The following BLOC1S3 variants were observed in gnomAD, a reference collection of about 807,000 sequenced individuals.
BLOC1S3 encodes the protein biogenesis of lysosomal organelles complex 1 subunit 3.
A neutral mutation model predicts 9.1 loss-of-function variants in BLOC1S3; 7 were observed. The ratio of observed to expected loss-of-function variants is 0.77; its 90% CI spans 0.44 to 1.45. BLOC1S3 has a LOEUF of 1.45. BLOC1S3 is among the 40% of genes most tolerant of loss of function. The pLI, the probability that BLOC1S3 is intolerant of heterozygous loss-of-function variation, is 0.01. For missense variants in BLOC1S3, 307 were observed against 315.2 expected, an observed-to-expected ratio of 0.97 and a Z score of 0.20; for synonymous variants, 145 against 158.4, an observed-to-expected ratio of 0.92 and a Z score of 0.64.
chr19:45,184,929 AAAGG>A (rs1969555765), downstream of BLOC1S3, among the ~76,000 whole-genome samples: 7 of 145,566 alleles, frequency 4.8e-5, no homozygotes, highest in Non-Finnish European at 7.5e-5. Flanking sequence ...AAAAAAAAAA[AAAGG>A]AAGGAAGGGA....
chr19:45,202,237 A>G (rs1344335754), intron 2 of BLOC1S3, among the ~76,000 whole-genome samples: 2 of 136,050 alleles, frequency 1.5e-5, no homozygotes, highest in East Asian at 4.2e-4. Context: ...AAAAAAAAAA[A>G]GACGTGCCTT....
At chr19:45,200,780 TTTGAACCCATCCTTC>T (rs1969685127) in intron 2 of BLOC1S3, among the ~76,000 whole-genome samples, 1 of 152,218 alleles carries the variant, frequency 6.6e-6, no homozygotes, top group African/African-American at 2.4e-5. Flanking sequence ...TCTGAGCTTA[TTTGAACCCATCCTTC>T]TTGGGAAGGC....
At chr19:45,210,652 A>G (rs558037371) in intron 3 of BLOC1S3, among the ~76,000 whole-genome samples, 1 of 151,752 alleles carries the variant, frequency 6.6e-6, no homozygotes, top group Non-Finnish European at 1.5e-5. Flanking sequence ...CATCTAGGCT[A>G]CAACGCAGAG....
At chr19:45,184,628 T>C (rs1166956784), downstream of BLOC1S3, among the ~76,000 whole-genome samples, 3 of 151,766 alleles carry the variant, frequency 2.0e-5, no homozygotes. Flanking sequence ...GGGCCGGGCG[T>C]GGTGGCTCAC....
At chr19:45,201,639 A>G (rs1969691406) in intron 2 of BLOC1S3, among the ~76,000 whole-genome samples, 1 of 152,146 alleles carries the variant, frequency 6.6e-6, no homozygotes, top group Non-Finnish European at 1.5e-5. Flanking sequence ...AACCTTAGGA[A>G]TCTACCTGGT....
chr19:45,184,903 CAAAAAAAA>C (rs71338752), downstream of BLOC1S3, among the ~76,000 whole-genome samples: 19 of 48,278 alleles, frequency 3.9e-4, no homozygotes, highest in Non-Finnish European at 6.0e-4. Context: ...CTGTCTCAAA[CAAAAAAAA>C]AAAAAAAAAA....
At chr19:45,207,321 TG>T (rs575771902) in intron 3 of BLOC1S3, among the ~76,000 whole-genome samples, 102 of 151,288 alleles carry the variant, frequency 6.7e-4, no homozygotes, top group African/African-American at 2.3e-3. Context: ...TTAGTAGAGA[TG>T]GGGTTTCGCC....
At chr19:45,216,066 G>GTC in intron 3 of BLOC1S3, 1 of 1,613,676 alleles carries the variant, frequency 6.2e-7, no homozygotes, top group Non-Finnish European at 8.5e-7. Flanking sequence ...CAGGCGGGGT[G>GTC]TCTCACCTGA....
chr19:45,213,073 C>T (rs376659728), intron 3 of BLOC1S3: 48 of 1,491,740 alleles, frequency 3.2e-5, no homozygotes, highest in East Asian at 2.1e-4. Context: ...TGACCCTCAG[C>T]GCTGGGCCCG....
intron 3 of BLOC1S3, among the ~76,000 whole-genome samples, chr19:45,208,859 A>G (rs943255726): frequency 2.6e-5 from 4 of 152,224 alleles, no homozygotes; most frequent in African/African-American, 9.6e-5. Flanking sequence ...TCAATGAAAA[A>G]AAATAACATA....
In BLOC1S3 at chr19:45,204,014, C is replaced by CT. The variant is rs111614744; in HGVS notation, n.282+1517dup. 3.3e-4 allele frequency among the ~76,000 whole-genome samples: 48 copies of CT among 145,718 alleles called. No individual in the cohort carries two copies. The East Asian group carries it at 8.0e-3, about 24-fold the overall frequency. On this transcript the variant is annotated intron_variant and non_coding_transcript_variant, in intron 3 of 3. Transcript: ENST00000591569. ...GTTAAGTGGGTTTAACCAGTCGATT[C>CT]TTTTTTTTTTGAGATGGAGTCTCAC...
Position 45,216,125 on chromosome 19 carries a change from G to C in BLOC1S3, n.283-551G>C, listed in dbSNP as rs746231519. The C allele has an allele frequency of 3.0e-5, 48 of 1,613,868 alleles. 1 individual carries two copies. In the Admixed American group the frequency reaches 8.0e-4, roughly 27 times the overall value. On this transcript the variant is annotated intron_variant and non_coding_transcript_variant, in intron 3 of 3. Transcript: ENST00000591569. ...ACTCCCACCTCCACCTGGATGCTGG[G>C]CGTGTCTTCCAGCTGCATGACTTCA...
chr19:45,196,985 T>G (rs1470303685), intron 2 of BLOC1S3, among the ~76,000 whole-genome samples: 1 of 151,504 alleles, frequency 6.6e-6, no homozygotes, highest in African/African-American at 2.4e-5. Flanking sequence ...TCAGAAGCCA[T>G]GGCTTCTTGC....
At chr19:45,198,591 G>A (rs112789215) in intron 2 of BLOC1S3, among the ~76,000 whole-genome samples, 8,106 of 152,278 alleles carry the variant, frequency 0.053, 692 homozygotes, top group African/African-American at 0.19. Context: ...GCCGCACCCA[G>A]CCAACTTCAT....
intron 3 of BLOC1S3, chr19:45,213,407 C>T (rs747576250): frequency 6.9e-6 from 11 of 1,596,606 alleles, no homozygotes; most frequent in Non-Finnish European, 8.5e-6. Flanking sequence ...GCTCTAGACA[C>T]ACACCCAACC....
chr19:45,210,445 T>C (rs1400872094), intron 3 of BLOC1S3, among the ~76,000 whole-genome samples: 1 of 151,574 alleles, frequency 6.6e-6, no homozygotes, highest in Non-Finnish European at 1.5e-5. Context: ...GGATTATAGA[T>C]GCGCCACCAC....
chr19:45,208,508 C>T (rs1400311399), intron 3 of BLOC1S3, among the ~76,000 whole-genome samples: 1 of 151,752 alleles, frequency 6.6e-6, no homozygotes, highest in African/African-American at 2.4e-5. Flanking sequence ...AATCCCAGCA[C>T]TTTGAGGCCC....
At chr19:45,185,738 G>T (rs1236642759), downstream of BLOC1S3, among the ~76,000 whole-genome samples, 5 of 151,888 alleles carry the variant, frequency 3.3e-5, 1 homozygote, top group Middle Eastern at 6.8e-3. Flanking sequence ...GAGGAGCAGG[G>T]CTTTGTCCCA....
At chr19:45,210,289 CTTTTTTTTTTTTTTTTT>C (rs71173125) in intron 3 of BLOC1S3, among the ~76,000 whole-genome samples, 1 of 74,422 alleles carries the variant, frequency 1.3e-5, no homozygotes, top group Admixed American at 1.5e-4. Context: ...ACTATTTTAA[CTTTTTTTTTTTTTTTTT>C]TTTTTTTTTT....
Sources: gnomAD v4.1 joint callset for allele counts (sites outside exome capture counted in the v4.1 genomes callset) on GRCh38, gnomAD v4.1.1 for gene constraint, MANE v1.5 for transcripts, NCBI Gene and HGNC (gene_info 2026-07-23, HGNC 2026-07-21) for gene names.